Variants in NEK6 observed in about 807,000 individuals in gnomAD.
NEK6 encodes the protein serine/threonine-protein kinase Nek6.
In NEK6, 27 loss-of-function variants were observed where a neutral mutation model predicts 43.5. That is an observed-to-expected ratio of 0.62 (90% CI 0.46 to 0.86). The LOEUF (loss-of-function observed/expected upper bound fraction) is 0.86, where lower values mean the gene tolerates loss of function less well. Among genes scored for constraint, NEK6 ranks in the 40% least tolerant of loss-of-function variants. NEK6 has a pLI of 0.00. For synonymous variants in NEK6, 167 were observed against 164.1 expected, an observed-to-expected ratio of 1.02 and a Z score of -0.14; for missense variants, 318 against 414.4, an observed-to-expected ratio of 0.77 and a Z score of 2.02.
At chr9:124,322,141 T>C (rs1207020754) in intron 5 of NEK6, among the ~76,000 whole-genome samples, 2 of 152,142 alleles carry the variant, frequency 1.3e-5, no homozygotes, top group Non-Finnish European at 2.9e-5. Flanking sequence ...CCAGGTCTCT[T>C]TTCCTGGCCT....
intron 2 of NEK6, among the ~76,000 whole-genome samples, chr9:124,304,552 A>G (rs1833160681): frequency 6.6e-6 from 1 of 152,210 alleles, no homozygotes; most frequent in Non-Finnish European, 1.5e-5. Flanking sequence ...AACATCCAAC[A>G]CAGCACCTCA....
intron 1 of NEK6, among the ~76,000 whole-genome samples, chr9:124,296,640 A>G (rs984685110): frequency 6.6e-6 from 1 of 152,202 alleles, no homozygotes; most frequent in African/African-American, 2.4e-5. Flanking sequence ...ATATGAATGC[A>G]CTTCCATGCA....
intron 8 of NEK6, among the ~76,000 whole-genome samples, chr9:124,345,759 C>T (rs148341396): frequency 1.2e-4 from 19 of 152,336 alleles, no homozygotes; most frequent in South Asian, 4.1e-4. Flanking sequence ...AGCTGCAACT[C>T]GGGGGCACCC....
In NEK6 at chr9:124,343,773, A is replaced by G. The variant is rs2131071657; in HGVS notation, c.718-3936A>G. Among the ~76,000 whole-genome samples, 1 of 152,252 alleles carries G rather than the reference A, an allele frequency of 6.6e-6. No individual in the cohort carries two copies. The highest frequency in any genetic ancestry group is 1.5e-5 in the Non-Finnish European group (1 of 68,018). On this transcript the variant is annotated intron_variant, in intron 8 of 9. Coordinates refer to ENST00000320246, the MANE Select transcript of NEK6 (RefSeq NM_014397.6). The surrounding 1 kb of genome is among the most constrained non-coding windows in gnomAD (Gnocchi z 5.1). ...AGGATCCTGCACAGGGCACATACCC[A>G]GGTCACCTGGGCCCTGGTGACAGAC... is the stretch of plus-strand genomic sequence containing the variant.
intron 1 of NEK6, among the ~76,000 whole-genome samples, chr9:124,282,162 A>C (rs373739527): frequency 2.6e-5 from 4 of 152,352 alleles, no homozygotes; most frequent in African/African-American, 9.6e-5. Flanking sequence ...GATGCCTGAA[A>C]TCAGGCTGGT....
intron 1 of NEK6, among the ~76,000 whole-genome samples, chr9:124,273,874 C>T (rs1831548915): frequency 1.3e-5 from 2 of 152,202 alleles, no homozygotes; most frequent in South Asian, 2.1e-4. Context: ...TTAGCGAGTG[C>T]GGCGGCTCTT....
intron 1 of NEK6, among the ~76,000 whole-genome samples, chr9:124,279,976 A>T (rs1831823154): frequency 1.3e-5 from 2 of 152,240 alleles, no homozygotes; most frequent in South Asian, 4.1e-4. Flanking sequence ...ATGATGGCAG[A>T]GTGGGTTAAC....
In NEK6 at chr9:124,343,564, G is replaced by A. The variant is rs1449992515; in HGVS notation, c.717+3899G>A. On this transcript the variant is annotated intron_variant, in intron 8 of 9. Coordinates refer to ENST00000320246, the MANE Select transcript of NEK6 (RefSeq NM_014397.6). This position sits in a 1 kb window ranked among gnomAD's most constrained non-coding sequence, Gnocchi z 5.1. The stretch of plus-strand genomic sequence containing the variant: ...ACTCCTGCAGTCCCTAAAGGGGAAG[G>A]TGAAGCAGGCGTTTCCCCAGCAGAC... Among the ~76,000 whole-genome samples the A allele has an allele frequency of 6.6e-6, 1 of 152,172 alleles. No homozygotes were observed. The highest frequency in any genetic ancestry group is 2.4e-5 in the African/African-American group (1 of 41,436).
intron 1 of NEK6, chr9:124,259,366 G>A (rs1830934925): frequency 1.3e-5 from 2 of 152,126 alleles, no homozygotes. Flanking sequence ...TGTCGTTAAT[G>A]GAAGAAGAAT....
At chr9:124,292,125 G>C (rs139833411) in intron 1 of NEK6, 1 of 1,105,234 alleles carries the variant, frequency 9.0e-7, no homozygotes, top group East Asian at 6.6e-5. Flanking sequence ...TGTGGGAACC[G>C]CTTGCTCTTA....
intron 1 of NEK6, among the ~76,000 whole-genome samples, chr9:124,291,614 G>A (rs1832423283): frequency 6.6e-6 from 1 of 151,726 alleles, no homozygotes; most frequent in Non-Finnish European, 1.5e-5. Flanking sequence ...CAACAAGAGC[G>A]AAACTCCATC....
At position 124,341,381 on chromosome 9, in the gene NEK6, G is replaced by A. The variant is rs560892686; in HGVS notation, c.717+1716G>A. 5.2e-4 allele frequency among the ~76,000 whole-genome samples: 44 copies of A among 83,904 alleles called. 1 individual carries two copies. In the South Asian group the frequency reaches 0.015, roughly 28 times the overall value. The allele number at this position is 83,904 out of a possible 152,430, so 55.0% of individuals were successfully genotyped here. On this transcript the variant is annotated intron_variant, in intron 8 of 9. Transcript: ENST00000320246. ...CTCCCGGGGCTCAGCAGATGCGGGT[G>A]ACAAGAGGGTGGGACCCCTTCTCCC...
At chr9:124,289,003 A>G (rs1832281051) in intron 1 of NEK6, among the ~76,000 whole-genome samples, 1 of 152,126 alleles carries the variant, frequency 6.6e-6, no homozygotes. Flanking sequence ...TTTTTTAGAA[A>G]GAGGGTCTTG....
chr9:124,327,407 G>T lies in NEK6; in HGVS notation c.584G>T (p.Arg195Leu). ...VVKLGDLGLG[R>L]FFSSETTAAH... is the part of the protein sequence containing the mutation. ...AAGCTCGGTGACCTTGGTCTGGGCC[G>T]CTTCTTCAGCTCTGAGACCACCGCA... is the stretch of plus-strand genomic sequence containing the variant. The change falls in exon 7 of 10, where the codon CGC becomes CTC. Residue 195 changes from arginine (R) to leucine (L), a missense_variant. Arg to Leu is a moderately radical substitution (Grantham distance 102, BLOSUM62 -2). Transcript: ENST00000320246. The T allele has an allele frequency of 6.2e-7, 1 of 1,613,414 alleles. No homozygotes were observed. Among genetic ancestry groups the T allele is most frequent in the Non-Finnish European group, 8.5e-7 (1 of 1,179,986 alleles).
At chr9:124,322,927 C>T (rs1169532729) in intron 5 of NEK6, among the ~76,000 whole-genome samples, 1 of 152,252 alleles carries the variant, frequency 6.6e-6, no homozygotes, top group African/African-American at 2.4e-5. Flanking sequence ...ATATTAATGC[C>T]TTTGCAGGGA....
At chr9:124,267,302 T>G (rs374109008) in intron 1 of NEK6, among the ~76,000 whole-genome samples, 35 of 152,344 alleles carry the variant, frequency 2.3e-4, no homozygotes, top group African/African-American at 8.2e-4. Context: ...GGGCACCACA[T>G]GGCACACAGA....
At chr9:124,284,281 G>A (rs755061276) in intron 1 of NEK6, among the ~76,000 whole-genome samples, 72 of 152,350 alleles carry the variant, frequency 4.7e-4, no homozygotes, top group Non-Finnish European at 7.5e-4. Context: ...CTAGGGAGGC[G>A]GAGGTTGCAG....
chr9:124,339,019 A>AT (rs538411121), intron 7 of NEK6, among the ~76,000 whole-genome samples: 5 of 61,782 alleles, frequency 8.1e-5, no homozygotes, highest in African/African-American at 2.0e-4. Flanking sequence ...CCCCATCCTG[A>AT]TTTTTTTTTT....
intron 8 of NEK6, among the ~76,000 whole-genome samples, chr9:124,345,762 G>A (rs112960788): frequency 1.3e-5 from 2 of 152,284 alleles, no homozygotes; most frequent in South Asian, 2.1e-4. Context: ...TGCAACTCGG[G>A]GGCACCCAGA....
Sources: allele counts gnomAD v4.1 joint callset (sites outside exome capture counted in the v4.1 genomes callset), GRCh38; gene constraint gnomAD v4.1.1; non-coding constraint Gnocchi (gnomAD v3.1); transcripts MANE v1.5; gene names NCBI Gene and HGNC (gene_info 2026-07-23, HGNC 2026-07-21).